The following MRPS35 variants were observed in gnomAD, a reference collection of about 807,000 sequenced individuals.
MRPS35 encodes the protein mitochondrial ribosomal protein S35.
A neutral mutation model predicts 32.7 loss-of-function variants in MRPS35; 29 were observed. That is an observed-to-expected ratio of 0.89 (90% CI 0.66 to 1.21). The LOEUF is 1.21. Among genes scored for constraint, MRPS35 ranks in the 50% most tolerant of loss-of-function variants. MRPS35 has a pLI of 0.00. For synonymous variants in MRPS35, 148 were observed against 139.3 expected (o/e 1.06, Z -0.44); for missense variants, 373 against 383.8 (o/e 0.97, Z 0.23).
At chr12:27,723,035 T>C (rs1347405149) in intron 4 of MRPS35, among the ~76,000 whole-genome samples, 2 of 152,204 alleles carry the variant, frequency 1.3e-5, no homozygotes, top group Non-Finnish European at 2.9e-5. Context: ...TTGTGCTTTT[T>C]TGGAGGAAGC....
intron 7 of MRPS35, among the ~76,000 whole-genome samples, chr12:27,742,401 C>T (rs1366134978): frequency 6.6e-6 from 1 of 152,172 alleles, no homozygotes; most frequent in African/African-American, 2.4e-5. Flanking sequence ...CCTTAGGTAC[C>T]TTGATTTCTG....
chr12:27,716,502 T>G, intron 3 of MRPS35, 44 bp downstream of exon 3: 1 of 1,597,620 alleles, frequency 6.3e-7, no homozygotes, highest in Non-Finnish European at 8.6e-7. Context: ...TACATAGAAA[T>G]AAATGCTGAT....
chr12:27,750,885 C>T (rs997436764), intron 7 of MRPS35, among the ~76,000 whole-genome samples: 2 of 151,752 alleles, frequency 1.3e-5, no homozygotes, highest in Non-Finnish European at 1.5e-5. Flanking sequence ...GGCAGATCAC[C>T]TGAGGTCAGG....
chr12:27,727,783 G>C (rs894276098), intron 5 of MRPS35, among the ~76,000 whole-genome samples: 11 of 152,162 alleles, frequency 7.2e-5, no homozygotes, highest in African/African-American at 2.2e-4. Flanking sequence ...TTATCATACA[G>C]TTGTTCCTCA....
rs948239668 is a variant in MRPS35, at chr12:27,725,552, G to A, written c.522+1366G>A. On this transcript the variant is annotated intron_variant, in intron 5 of 7. Transcript: ENST00000081029. Reference sequence around the variant, plus strand: ...AAGGATATAGCTCTTGAAGTTTGTTGATATATATTATAAAATTCCTGCAGG... The same window carrying A: ...AAGGATATAGCTCTTGAAGTTTGTTAATATATATTATAAAATTCCTGCAGG... The A allele has an allele frequency of 3.0e-5, 7 of 231,474 alleles. No homozygotes were observed. The South Asian group carries it at 4.3e-4, about 14-fold the overall frequency. 14.3% of individuals were successfully genotyped at this position (231,474 alleles called of 1,614,324 possible).
chr12:27,729,109 G>A (rs78721803), intron 5 of MRPS35, among the ~76,000 whole-genome samples: 2,487 of 152,130 alleles, frequency 0.016, 94 homozygotes, highest in African/African-American at 0.056. Context: ...TTTGGTCCTC[G>A]AAGTATATCT....
intron 7 of MRPS35, among the ~76,000 whole-genome samples, chr12:27,752,229 G>GCCC (rs1221932241): frequency 6.6e-6 from 1 of 152,156 alleles, no homozygotes; most frequent in African/African-American, 2.4e-5. Flanking sequence ...GATGAATGAA[G>GCCC]GAGGAGGGTG....
chr12:27,723,248 G>A (rs1357902471), intron 4 of MRPS35, among the ~76,000 whole-genome samples: 3 of 152,258 alleles, frequency 2.0e-5, no homozygotes, highest in Admixed American at 2.0e-4. Flanking sequence ...CCTGGGGGAA[G>A]CTGGGAGCTA....
intron 7 of MRPS35, among the ~76,000 whole-genome samples, chr12:27,751,963 G>T (rs1161776693): frequency 2.0e-5 from 3 of 152,118 alleles, no homozygotes; most frequent in Non-Finnish European, 4.4e-5. Flanking sequence ...TACTGGCCAG[G>T]TGCGGTGGCT....
At position 27,720,348 on chromosome 12, in the gene MRPS35, C is replaced by T. The variant is rs564123056; in HGVS notation, c.382+480C>T. 2.5e-3 allele frequency among the ~76,000 whole-genome samples: 370 copies of T among 149,848 alleles called. 3 individuals carry two copies. The highest frequency in any genetic ancestry group is 1.8e-3 in the Non-Finnish European group (123 of 67,644). On this transcript the variant is annotated intron_variant, in intron 4 of 7. Transcript: ENST00000081029. Reference sequence around the variant, plus strand: ...GGTGGAGGTTGTGGTGAGTTTAAATCGCGCCATTGCACTCCAGCCTGGGCA... The same window carrying T: ...GGTGGAGGTTGTGGTGAGTTTAAATTGCGCCATTGCACTCCAGCCTGGGCA...
At chr12:27,726,455 A>C (rs1316525174) in intron 5 of MRPS35, among the ~76,000 whole-genome samples, 1 of 152,122 alleles carries the variant, frequency 6.6e-6, no homozygotes, top group African/African-American at 2.4e-5. Context: ...GAACATTCAC[A>C]TACAGGTTTT....
At chr12:27,728,967 T>G (rs574699023) in intron 5 of MRPS35, among the ~76,000 whole-genome samples, 1 of 152,304 alleles carries the variant, frequency 6.6e-6, no homozygotes, top group Admixed American at 6.5e-5. Context: ...GGTGGCCTCA[T>G]TCTCAGTATG....
In MRPS35 at chr12:27,714,957, G is replaced by A; in HGVS notation, c.153+137G>A. On this transcript the variant is annotated intron_variant, in intron 2 of 7. Transcript: ENST00000081029. The stretch of plus-strand genomic sequence containing the variant: ...TTTACTGGGTGATTGCCATAGCCCT[G>A]GCAGAGGTTAGTCTTTGTTTTTTGT... 4.3e-6 allele frequency: 3 copies of A among 698,014 alleles called. No individual in the cohort carries two copies. In the Middle Eastern group the frequency reaches 7.4e-4, roughly 173 times the overall value. The allele number at this position is 698,014 out of a possible 1,614,324, so 43.2% of individuals were successfully genotyped here. A position where few individuals can be genotyped will look rare whatever the true frequency, so the allele number is the denominator to read the frequency against.
At chr12:27,727,110 G>T (rs1326437796) in intron 5 of MRPS35, among the ~76,000 whole-genome samples, 1 of 151,740 alleles carries the variant, frequency 6.6e-6, no homozygotes. Context: ...ACAGGCACCC[G>T]CCACCACGCC....
intron 7 of MRPS35, among the ~76,000 whole-genome samples, chr12:27,743,236 G>T (rs2061970581): frequency 6.6e-6 from 1 of 151,956 alleles, no homozygotes; most frequent in Admixed American, 6.6e-5. Flanking sequence ...CATTAAAAAT[G>T]GCAAATGTTG....
chr12:27,719,759 T>C, intron 3 of MRPS35, 49 bp from the exon 4 acceptor site: 2 of 1,154,232 alleles, frequency 1.7e-6, no homozygotes, highest in Non-Finnish European at 2.6e-6. Flanking sequence ...ATCTTTTTCA[T>C]GTTTTTAAGA....
chr12:27,742,868 C>T (rs2061969229), intron 7 of MRPS35, among the ~76,000 whole-genome samples: 1 of 151,848 alleles, frequency 6.6e-6, no homozygotes, highest in South Asian at 2.1e-4. Flanking sequence ...AGTTTATTTT[C>T]TCTTTGAAGA....
intron 7 of MRPS35, 39 bp downstream of exon 7, chr12:27,737,647 A>G (rs1423014842): frequency 1.3e-6 from 2 of 1,491,880 alleles, no homozygotes; most frequent in South Asian, 2.3e-5. Flanking sequence ...TGTCATTGTA[A>G]TTTAGATGAT....
chr12:27,721,647 T>A (rs1045689804), intron 4 of MRPS35, among the ~76,000 whole-genome samples: 1 of 152,076 alleles, frequency 6.6e-6, no homozygotes, highest in Admixed American at 6.6e-5. Context: ...CAAAGTGAGA[T>A]CCTGTCTCAA....
Sources: gnomAD v4.1 joint callset for allele counts (sites outside exome capture counted in the v4.1 genomes callset) on GRCh38, gnomAD v4.1.1 for gene constraint, MANE v1.5 for transcripts, NCBI Gene and HGNC (gene_info 2026-07-23, HGNC 2026-07-21) for gene names.